SUCLG2: variants seen among roughly 807,000 people sequenced by gnomAD.
SUCLG2 encodes the protein succinate-CoA ligase GDP-forming subunit beta, also known as succinate--CoA ligase [GDP-forming] subunit beta, mitochondrial.
In SUCLG2, 42 loss-of-function variants were observed where a neutral mutation model predicts 47.9. The observed-to-expected ratio is 0.88, with a 90% CI of 0.69 to 1.14. The LOEUF is 1.14. SUCLG2 is among the 50% of genes most tolerant of loss of function. SUCLG2 has a pLI of 0.00. For synonymous variants in SUCLG2, 195 were observed against 197.3 expected (o/e 0.99, Z 0.10); for missense variants, 571 against 525.9 (o/e 1.09, Z -0.84).
chr3:67,618,319 G>A (rs564727372), intron 1 of SUCLG2, among the ~76,000 whole-genome samples: 27 of 152,142 alleles, frequency 1.8e-4, no homozygotes, highest in African/African-American at 5.8e-4. Context: ...ACAGGGAGGC[G>A]GGGACAGGAA....
intron 9 of SUCLG2, among the ~76,000 whole-genome samples, chr3:67,430,221 TGAAAA>T (rs924137637): frequency 8.6e-5 from 13 of 151,892 alleles, no homozygotes; most frequent in Non-Finnish European, 4.4e-5. Context: ...CATCAGCAAA[TGAAAA>T]GAAAAGAAAT....
Position 67,391,967 on chromosome 3 carries a change from T to C in SUCLG2, c.1183+8764A>G, listed in dbSNP as rs376977963. On this transcript the variant is annotated intron_variant, in intron 10 of 10. Transcript: ENST00000307227. ...ACCCACAGCCTGTCTGAGGTCGTTC[T>C]GTTGCTGCTGTCATTGGAGACGTGG... Among the ~76,000 whole-genome samples the C allele has an allele frequency of 8.3e-4, 127 of 152,326 alleles. 3 individuals carry two copies. The South Asian group carries it at 0.025, about 30-fold the overall frequency.
intron 9 of SUCLG2, among the ~76,000 whole-genome samples, chr3:67,419,316 T>C (rs1438088314): frequency 2.0e-5 from 3 of 152,220 alleles, no homozygotes; most frequent in Non-Finnish European, 2.9e-5. Flanking sequence ...TCTCCTGATA[T>C]AGATTTTCTA....
chr3:67,654,408 G>A, intron 1 of SUCLG2, 95 bp downstream of exon 1: 3 of 1,039,906 alleles, frequency 2.9e-6, no homozygotes, highest in African/African-American at 1.6e-5. Context: ...GGCCGCGCAG[G>A]GGGTCAGGCG....
intron 9 of SUCLG2, among the ~76,000 whole-genome samples, chr3:67,474,982 C>T (rs951757603): frequency 1.4e-5 from 2 of 141,392 alleles, no homozygotes; most frequent in Admixed American, 7.7e-5. Context: ...CAGCTCCAAC[C>T]CTTATTTCCT....
At chr3:67,382,277 G>C (rs1479354401) in intron 10 of SUCLG2, among the ~76,000 whole-genome samples, 4 of 152,112 alleles carry the variant, frequency 2.6e-5, no homozygotes, top group Non-Finnish European at 5.9e-5. Flanking sequence ...AAAAACACTG[G>C]GAGGCTTCGG....
intron 1 of SUCLG2, among the ~76,000 whole-genome samples, chr3:67,614,611 C>A (rs780700695): frequency 4.3e-4 from 66 of 152,096 alleles, no homozygotes; most frequent in Non-Finnish European, 4.3e-4. Flanking sequence ...CTGGCCCTTA[C>A]TGACACAGTG....
At chr3:67,450,267 C>G (rs529872882) in intron 9 of SUCLG2, among the ~76,000 whole-genome samples, 1 of 152,136 alleles carries the variant, frequency 6.6e-6, no homozygotes, top group African/African-American at 2.4e-5. Context: ...ATCTCGAACA[C>G]CTGGGCTGAA....
chr3:67,608,675 AT>A (rs5849769), intron 2 of SUCLG2, among the ~76,000 whole-genome samples: 80,016 of 145,802 alleles, frequency 0.55, 22,051 homozygotes, highest in African/African-American at 0.66. Flanking sequence ...TGTTGTTCTA[AT>A]TTTTTTTTTT....
At chr3:67,584,406 G>T (rs1189467999) in intron 2 of SUCLG2, among the ~76,000 whole-genome samples, 1 of 152,142 alleles carries the variant, frequency 6.6e-6, no homozygotes, top group African/African-American at 2.4e-5. Context: ...AACAGTAAAG[G>T]GCATAAGGAA....
intron 2 of SUCLG2, among the ~76,000 whole-genome samples, chr3:67,556,513 T>A (rs1339504297): frequency 6.6e-6 from 1 of 152,308 alleles, no homozygotes; most frequent in Admixed American, 6.5e-5. Context: ...AAATAGAGAA[T>A]TAAATTTTTA....
chr3:67,603,623 G>A (rs1559591844), intron 2 of SUCLG2, among the ~76,000 whole-genome samples: 1 of 152,120 alleles, frequency 6.6e-6, no homozygotes. Flanking sequence ...AAATAAAACT[G>A]AGCTTTTGAA....
intron 1 of SUCLG2, among the ~76,000 whole-genome samples, chr3:67,640,923 T>G (rs1247086945): frequency 6.6e-6 from 1 of 152,218 alleles, no homozygotes; most frequent in Non-Finnish European, 1.5e-5. Flanking sequence ...GCCTGGAACA[T>G]AGGTAGTAAA....
intron 9 of SUCLG2, among the ~76,000 whole-genome samples, chr3:67,483,810 C>T (rs929633696): frequency 6.6e-6 from 1 of 152,140 alleles, no homozygotes; most frequent in African/African-American, 2.4e-5. Context: ...GGAGAACACC[C>T]CCCTACCTAC....
At chr3:67,365,631 C>A (rs775833333) in intron 10 of SUCLG2, among the ~76,000 whole-genome samples, 1 of 152,146 alleles carries the variant, frequency 6.6e-6, no homozygotes, top group African/African-American at 2.4e-5. Context: ...TGTTTTCATA[C>A]AATCTAACAT....
intron 9 of SUCLG2, 133 bp from the exon 10 acceptor site, chr3:67,400,984 A>G: frequency 2.3e-6 from 3 of 1,305,952 alleles, no homozygotes; most frequent in Non-Finnish European, 3.1e-6. Flanking sequence ...AGAGCATAAA[A>G]TACAAAAATG....
intron 2 of SUCLG2, among the ~76,000 whole-genome samples, chr3:67,575,507 T>C (rs1416074650): frequency 1.3e-5 from 2 of 152,200 alleles, no homozygotes; most frequent in Non-Finnish European, 2.9e-5. Context: ...AATGAGGGGT[T>C]GCCTGGGGCT....
At chr3:67,537,928 C>T (rs184924439) in intron 2 of SUCLG2, among the ~76,000 whole-genome samples, 1 of 152,226 alleles carries the variant, frequency 6.6e-6, no homozygotes, top group African/African-American at 2.4e-5. Context: ...TTTCTTCTTT[C>T]TTGTAAATTT....
At chr3:67,556,277 G>A (rs1707157362) in intron 2 of SUCLG2, among the ~76,000 whole-genome samples, 1 of 152,176 alleles carries the variant, frequency 6.6e-6, no homozygotes, top group African/African-American at 2.4e-5. Flanking sequence ...GTCCTGGGGG[G>A]CAGCAGTGCA....
Sources: allele counts gnomAD v4.1 joint callset (sites outside exome capture counted in the v4.1 genomes callset), GRCh38; gene constraint gnomAD v4.1.1; transcripts MANE v1.5; gene names NCBI Gene and HGNC (gene_info 2026-07-23, HGNC 2026-07-21).